The following SLX4 variants were observed in gnomAD, a reference collection of about 807,000 sequenced individuals.
SLX4 encodes structure-specific endonuclease subunit SLX4.
In SLX4, 112 loss-of-function variants were observed where a neutral mutation model predicts 146.2. The ratio of observed to expected loss-of-function variants is 0.77; its 90% CI spans 0.66 to 0.90. SLX4 has a LOEUF of 0.90. SLX4 is among the 40% of genes least tolerant of loss of function. The pLI, the probability that SLX4 is intolerant of heterozygous loss-of-function variation, is 0.00. For missense variants in SLX4, 2,563 were observed against 2,392.7 expected (o/e 1.07, Z -1.49); for synonymous variants, 1,061 against 997.7 (o/e 1.06, Z -1.20).
chr16:3,582,647 C>T lies in SLX4; in HGVS notation c.5200G>A (p.Glu1734Lys). 1.2e-6 allele frequency: 2 copies of T among 1,613,438 alleles called. No homozygotes were observed. Among genetic ancestry groups the T allele is most frequent in the Non-Finnish European group, 1.7e-6 (2 of 1,180,034 alleles). ...GCACTGACCTCCCCCTCGCCCTCCT[C>T]TTCACCTGCAGACTCAAATGCCGCT... ...FGAAFESAGE[E>K]EGEGEVSASQ... The change falls in exon 15 of 15, where the codon GAG becomes AAG. Residue 1734 changes from glutamate (E) to lysine (K), a missense_variant. Physicochemically the swap from Glu to Lys is moderately conservative, Grantham distance 56 (BLOSUM62 1). Coordinates refer to ENST00000294008, the MANE Select transcript of SLX4 (RefSeq NM_032444.4).
At chr16:3,594,886 T>TA (rs1412236715) in intron 9 of SLX4, among the ~76,000 whole-genome samples, 4 of 152,156 alleles carry the variant, frequency 2.6e-5, no homozygotes, top group Non-Finnish European at 5.9e-5. Flanking sequence ...GAACTCACAG[T>TA]GCTGGCAGCT....
At position 3,583,413 on chromosome 16, in the gene SLX4, C is replaced by T. The variant is rs761469284; in HGVS notation, c.4837G>A (p.Glu1613Lys). 13 of 1,613,642 alleles carry T rather than the reference C, an allele frequency of 8.1e-6. No individual in the cohort carries two copies. Among genetic ancestry groups the T allele is most frequent in the East Asian group, 4.5e-5 (2 of 44,880 alleles). The change falls in exon 14 of 15, where the codon GAG becomes AAG. Residue 1613 changes from glutamate to lysine, a missense_variant. Glu to Lys is a moderately conservative substitution (Grantham distance 56). Coordinates refer to ENST00000294008, the MANE Select transcript of SLX4 (RefSeq NM_032444.4). ...HQTLDSDSEDESQSSQPLLQA... is the reference protein window; with the variant it reads ...HQTLDSDSEDKSQSSQPLLQA... ...AACAGCGGCTGTGAGGACTGGCTCT[C>T]GTCCTCGGAGTCTGAGTCCAGGGTC... is the stretch of plus-strand genomic sequence containing the variant.
intron 14 of SLX4, 34 bp from the exon 15 acceptor site, chr16:3,582,727 C>T (rs753104338): frequency 1.9e-6 from 3 of 1,570,600 alleles, no homozygotes; most frequent in Admixed American, 1.7e-5. Context: ...TTGTGCAACC[C>T]CTTTCTCTCC....
rs1418172864 is a variant in SLX4, at chr16:3,608,478, C to T, written c.487G>A (p.Gly163Ser). The T allele has an allele frequency of 1.4e-5, 23 of 1,614,188 alleles. No homozygotes were observed. Among genetic ancestry groups the T allele is most frequent in the Non-Finnish European group, 1.9e-5 (23 of 1,180,046 alleles). Reference sequence around the variant, plus strand: ...TTTGGCGATGGTTCTTGCTGGTTACCCGTCTGGGTGTTTTGTGCTGTTTCC... The same window carrying T: ...TTTGGCGATGGTTCTTGCTGGTTACTCGTCTGGGTGTTTTGTGCTGTTTCC... Reference protein sequence around the residue: ...LRETAQNTQTGNQQEPSPNLS... With the variant: ...LRETAQNTQTSNQQEPSPNLS... The change falls in exon 2 of 15, where the codon GGT becomes AGT. Residue 163 changes from glycine (G) to serine (S), a missense_variant. Transcript: ENST00000294008.
Position 3,590,504 on chromosome 16 carries a change from G to A in SLX4, c.3134C>T (p.Pro1045Leu), listed in dbSNP as rs2151124251. The A allele has an allele frequency of 6.2e-7, 1 of 1,613,710 alleles. No individual in the cohort carries two copies. The highest frequency in any genetic ancestry group is 8.5e-7 in the Non-Finnish European group (1 of 1,179,692). Reference sequence around the variant, plus strand: ...CCCACTTGTGTGATGAGACCCGCGGGGACTCCCGCCCTGGGGAGGCCCCAA... The same window carrying A: ...CCCACTTGTGTGATGAGACCCGCGGAGACTCCCGCCCTGGGGAGGCCCCAA... ...FLLGPPQGGS[P>L]RGSHHTSGSS... The change falls in exon 12 of 15, where the codon CCC (proline) becomes CTC (leucine). Residue 1045 changes from proline to leucine, a missense_variant. Physicochemically the swap from Pro to Leu is moderately conservative, Grantham distance 98. Coordinates refer to ENST00000294008, the MANE Select transcript of SLX4 (RefSeq NM_032444.4). This position sits in a 1 kb window ranked among gnomAD's most constrained non-coding sequence, Gnocchi z 4.8.
chr16:3,591,140 A>G lies in SLX4; in HGVS notation c.2498T>C (p.Leu833Ser), dbSNP rs1314223448. The G allele has an allele frequency of 6.2e-7, 1 of 1,614,178 alleles. No individual in the cohort carries two copies. The highest frequency in any genetic ancestry group is 1.7e-5 in the Admixed American group (1 of 60,022). ...TTCTTCGTGGTCCTTGGATTTCAACAAAGTCTCCGCTTCCTCCTCTTCATC... is the reference window on the plus strand; with the variant it reads ...TTCTTCGTGGTCCTTGGATTTCAACGAAGTCTCCGCTTCCTCCTCTTCATC... ...WADEEEEAET[L>S]LKSKDHEEDQ... is the part of the protein sequence containing the mutation. The change falls in exon 12 of 15, where the codon TTG becomes TCG. Residue 833 changes from leucine (L) to serine (S), a missense_variant. Transcript: ENST00000294008.
At position 3,597,631 on chromosome 16, in the gene SLX4, T is replaced by G. The variant is rs1467660154; in HGVS notation, c.1431A>C (p.Glu477Asp). 1 of 1,614,054 alleles carries G rather than the reference T, an allele frequency of 6.2e-7. No individual in the cohort carries two copies. ...GGTCCTCTATCTGTCGGCCTGTGGTTTCAGAGTCCTGGACTAACAACAATG... is the reference window on the plus strand; with the variant it reads ...GGTCCTCTATCTGTCGGCCTGTGGTGTCAGAGTCCTGGACTAACAACAATG... ...SPPLLLVQDS[E>D]TTGRQIEDRV... The change falls in exon 7 of 15, where the codon GAA becomes GAC. Residue 477 changes from glutamate (E) to aspartate (D), a missense_variant. Glu to Asp is a conservative substitution (Grantham distance 45). Transcript: ENST00000294008. The surrounding 1 kb of genome is among the most constrained non-coding windows in gnomAD (Gnocchi z 4.4).
At chr16:3,609,701 C>T (rs2040827379) in intron 1 of SLX4, 135 bp from the exon 2 acceptor site, 1 of 152,314 alleles carries the variant, frequency 6.6e-6, no homozygotes. Flanking sequence ...TCAGTCCAGC[C>T]TGGTTAACAT....
chr16:3,608,550 C>CA lies in SLX4; in HGVS notation c.414dup (p.Gly139TrpfsTer26). 1 of 1,614,224 alleles carries CA rather than the reference C, an allele frequency of 6.2e-7. No individual in the cohort carries two copies. Among genetic ancestry groups the CA allele is most frequent in the Non-Finnish European group, 8.5e-7 (1 of 1,180,050 alleles). On this transcript the variant is annotated frameshift_variant, in exon 2 of 15. Coordinates refer to ENST00000294008, the MANE Select transcript of SLX4 (RefSeq NM_032444.4). LOFTEE classifies it high-confidence loss of function. ...GCAGAGGCAAGCACACCCCCCTCCC[C>CA]ATTCACAGAGTGGGCCGGTTCACTT... is the stretch of plus-strand genomic sequence containing the variant.
Position 3,597,991 on chromosome 16 carries a change from T to C in SLX4, c.1172A>G (p.Asp391Gly). 6.2e-7 allele frequency: 1 copy of C among 1,614,144 alleles called. No homozygotes were observed. The highest frequency in any genetic ancestry group is 1.3e-5 in the African/African-American group (1 of 75,030). ...TCTCCGTTTCAGACCTCTACTGTGA[T>C]CACTGAAGCTAGAAAACAGCCAAAG... Reference protein sequence around the residue: ...SSSPPMFSFSDHSRGLKRRGP... With the variant: ...SSSPPMFSFSGHSRGLKRRGP... The change falls in exon 6 of 15, where the codon GAT becomes GGT. Residue 391 changes from aspartate to glycine, a missense_variant. Asp to Gly is a moderately conservative substitution (Grantham distance 94). Transcript: ENST00000294008. The surrounding 1 kb of genome is among the most constrained non-coding windows in gnomAD (Gnocchi z 4.4).
rs2040561922 is a variant in SLX4 at position 3,589,947 on chromosome 16, T to C, written c.3691A>G (p.Arg1231Gly). Residue 1231 changes from arginine (R) to glycine (G), a missense_variant, in exon 12 of 15, where the codon AGG becomes GGG. Arg to Gly is a moderately radical substitution (Grantham distance 125). Coordinates refer to ENST00000294008, the MANE Select transcript of SLX4 (RefSeq NM_032444.4). The surrounding 1 kb of genome is among the most constrained non-coding windows in gnomAD (Gnocchi z 6.2). Reference protein sequence around the residue: ...ALPENRGSLGRRGAPWLFCDR... With the variant: ...ALPENRGSLGGRGAPWLFCDR... ...CAGAACAGCCAGGGAGCCCCTCTCC[T>C]GCCCAAAGAGCCCCGATTCTCCGGC... The C allele has an allele frequency of 1.9e-6, 3 of 1,613,844 alleles. No individual in the cohort carries two copies. The highest frequency in any genetic ancestry group is 2.2e-5 in the South Asian group (2 of 91,078).
rs201641321 is a variant in SLX4 at position 3,596,245 on chromosome 16, G to A, written c.1832C>T (p.Ala611Val). 6.4e-7 allele frequency: 1 copy of A among 1,555,418 alleles called. No individual in the cohort carries two copies. Among genetic ancestry groups the A allele is most frequent in the Non-Finnish European group, 8.7e-7 (1 of 1,151,558 alleles). The change falls in exon 8 of 15, where the codon GCC (alanine) becomes GTC (valine). Residue 611 changes from alanine to valine, a missense_variant. Physicochemically the swap from Ala to Val is moderately conservative, Grantham distance 64. Transcript: ENST00000294008. ...CGCCAGGTCCACGAGGTCCTGCAGG[G>A]CCTGGTGCTCCCTCTGGCTGGCCGA... is the stretch of plus-strand genomic sequence containing the variant. ...SPSASQREHQ[A>V]LQDLVDLARE...
rs147729840 is a variant in SLX4 at position 3,598,460 on chromosome 16, C to T, written c.1164-461G>A. Among the ~76,000 whole-genome samples the T allele has an allele frequency of 5.7e-4, 87 of 152,338 alleles. No homozygotes were observed. In the East Asian group the frequency reaches 0.015, roughly 26 times the overall value. On this transcript the variant is annotated intron_variant, in intron 5 of 14. Coordinates refer to ENST00000294008, the MANE Select transcript of SLX4 (RefSeq NM_032444.4). ...CCACGGCAGTGCCTCTGTCCATGGC[C>T]AGAAGGAAGGGCTTCCCAGCTTAGG... is the stretch of plus-strand genomic sequence containing the variant.
chr16:3,594,060 G>A (rs1468486839), intron 10 of SLX4, among the ~76,000 whole-genome samples: 1 of 151,986 alleles, frequency 6.6e-6, no homozygotes, highest in Admixed American at 6.6e-5. Context: ...TTTTAGTAGA[G>A]ACTGGTTTCA....
chr16:3,604,093 G>A (rs1372714296), intron 3 of SLX4, among the ~76,000 whole-genome samples: 1 of 151,886 alleles, frequency 6.6e-6, no homozygotes, highest in Non-Finnish European at 1.5e-5. Flanking sequence ...TTAGCCGGGT[G>A]TGGTGGTGGG....
At chr16:3,610,823 T>C (rs1258432948) in intron 1 of SLX4, among the ~76,000 whole-genome samples, 1 of 152,078 alleles carries the variant, frequency 6.6e-6, no homozygotes, top group Non-Finnish European at 1.5e-5. Flanking sequence ...AAGAGTTCGG[T>C]ATAATGGGAG....
chr16:3,600,066 G>A (rs1223042365), intron 5 of SLX4, among the ~76,000 whole-genome samples: 1 of 152,192 alleles, frequency 6.6e-6, no homozygotes, highest in Admixed American at 6.5e-5. Context: ...CTGGTTTCAT[G>A]GAAGACAATT....
chr16:3,582,862 C>T (rs1051726470), intron 14 of SLX4, among the ~76,000 whole-genome samples, 169 bp from the exon 15 acceptor site: 1 of 152,192 alleles, frequency 6.6e-6, no homozygotes, highest in African/African-American at 2.4e-5. Flanking sequence ...GCTACGCCAG[C>T]GGGATCCTGC....
intron 3 of SLX4, among the ~76,000 whole-genome samples, chr16:3,604,009 C>T (rs530761095): frequency 7.9e-5 from 12 of 152,194 alleles, no homozygotes; most frequent in South Asian, 2.1e-4. Flanking sequence ...GAGGGCAGAT[C>T]CCCTGAGCTC....
Sources: gnomAD v4.1 joint callset for allele counts (sites outside exome capture counted in the v4.1 genomes callset) on GRCh38, gnomAD v4.1.1 for gene constraint, Gnocchi (gnomAD v3.1) non-coding constraint, MANE v1.5 for transcripts, NCBI Gene and HGNC (gene_info 2026-07-23, HGNC 2026-07-21) for gene names.